Variants in ACVR2A observed in about 807,000 individuals in gnomAD.
The protein encoded by ACVR2A is activin receptor type-2A.
ACVR2A carries 7 observed loss-of-function variants against 61.4 expected under a neutral mutation model. The ratio of observed to expected loss-of-function variants is 0.11; its 90% CI spans 0.06 to 0.21. The LOEUF (loss-of-function observed/expected upper bound fraction) is 0.21. Ranked by LOEUF, ACVR2A falls within the 10% of genes least tolerant of loss-of-function variation. ACVR2A has a pLI of 1.00. For synonymous variants in ACVR2A, 193 were observed against 208.3 expected, an observed-to-expected ratio of 0.93 and a Z score of 0.63; for missense variants, 322 against 621.7, an observed-to-expected ratio of 0.52 and a Z score of 5.13.
rs983143686 is a variant in ACVR2A, at chr2:147,930,619, G to A, written c.*3345G>A. ...AGAATATTGGTAAGCAGTTATTTTC[G>A]CTTTACTCTGTATTTCTTGTGTTTT... On this transcript the variant is annotated 3_prime_UTR_variant, in exon 11 of 11. Coordinates refer to ENST00000241416, the MANE Select transcript of ACVR2A (RefSeq NM_001616.5). 1 of 152,054 alleles carries A rather than the reference G, an allele frequency of 6.6e-6. No homozygotes were observed. The highest frequency in any genetic ancestry group is 1.5e-5 in the Non-Finnish European group (1 of 67,906). 9.4% of individuals were successfully genotyped at this position (152,054 alleles called of 1,614,324 possible).
chr2:147,878,638 G>GT (rs1468084417), intron 1 of ACVR2A, among the ~76,000 whole-genome samples: 1 of 152,120 alleles, frequency 6.6e-6, no homozygotes, highest in African/African-American at 2.4e-5. Flanking sequence ...GCTGGGCATG[G>GT]TGGCTCATGC....
intron 1 of ACVR2A, among the ~76,000 whole-genome samples, chr2:147,879,566 G>C (rs1686244533): frequency 6.6e-6 from 1 of 152,198 alleles, no homozygotes; most frequent in Admixed American, 6.5e-5. Flanking sequence ...GAAAGTGGTA[G>C]AAAGAATGTA....
intron 1 of ACVR2A, among the ~76,000 whole-genome samples, chr2:147,848,739 C>T (rs1170819009): frequency 6.6e-6 from 1 of 151,994 alleles, no homozygotes; most frequent in African/African-American, 2.4e-5. Context: ...ATGAAGTAAT[C>T]TGCACAGCAA....
chr2:147,926,605 A>G (rs938235915), intron 10 of ACVR2A, among the ~76,000 whole-genome samples: 1 of 151,960 alleles, frequency 6.6e-6, no homozygotes, highest in African/African-American at 2.4e-5. Flanking sequence ...CTTTAAAACT[A>G]TAGAGACCAG....
intron 2 of ACVR2A, among the ~76,000 whole-genome samples, chr2:147,898,881 G>A (rs1686807400): frequency 6.6e-6 from 1 of 151,392 alleles, no homozygotes; most frequent in African/African-American, 2.4e-5. Context: ...TTGCATTCAG[G>A]GAATTTAAAT....
At chr2:147,914,426 A>G (rs569829427) in intron 4 of ACVR2A, among the ~76,000 whole-genome samples, 7 of 152,058 alleles carry the variant, frequency 4.6e-5, no homozygotes, top group South Asian at 2.1e-4. Flanking sequence ...TGTTTGCTCT[A>G]TTTTTAAAAA....
At chr2:147,873,978 G>A (rs920717033) in intron 1 of ACVR2A, among the ~76,000 whole-genome samples, 2 of 151,922 alleles carry the variant, frequency 1.3e-5, no homozygotes, top group African/African-American at 4.8e-5. Context: ...GTGGCATGGA[G>A]GATGAATTAT....
chr2:147,864,203 T>G (rs907167292), intron 1 of ACVR2A, among the ~76,000 whole-genome samples: 1 of 152,014 alleles, frequency 6.6e-6, no homozygotes, highest in African/African-American at 2.4e-5. Context: ...TTTTTCCTAA[T>G]TGAAGGACCT....
chr2:147,907,381 G>A (rs1236652775), intron 4 of ACVR2A, among the ~76,000 whole-genome samples: 1 of 152,112 alleles, frequency 6.6e-6, no homozygotes, highest in Non-Finnish European at 1.5e-5. Context: ...GGGTCAAATG[G>A]TATTTCTGGT....
Position 147,927,328 on chromosome 2 carries a change from A to C in ACVR2A, c.*54A>C, listed in dbSNP as rs1687527591. 6.6e-7 allele frequency: 1 copy of C among 1,504,046 alleles called. No homozygotes were observed. Among genetic ancestry groups the C allele is most frequent in the Non-Finnish European group, 9.0e-7 (1 of 1,113,952 alleles). The allele number at this position is 1,504,046 out of a possible 1,614,324, so 93.2% of individuals were successfully genotyped here. ...ATGGGACTCTGAACTGGAGCTGCTA[A>C]GCTAAAGAAACTGCTTACAGTTTAT... On this transcript the variant is annotated 3_prime_UTR_variant, in exon 11 of 11. Transcript: ENST00000241416.
At chr2:147,905,945 A>C (rs575962302) in intron 4 of ACVR2A, among the ~76,000 whole-genome samples, 2 of 152,182 alleles carry the variant, frequency 1.3e-5, no homozygotes, top group Non-Finnish European at 2.9e-5. Context: ...CCTTATTTCT[A>C]AAAGTGACTT....
At chr2:147,848,788 C>T (rs1193518023) in intron 1 of ACVR2A, among the ~76,000 whole-genome samples, 1 of 151,914 alleles carries the variant, frequency 6.6e-6, no homozygotes, top group Non-Finnish European at 1.5e-5. Context: ...CAGACCTTCA[C>T]ATGTACCCCC....
intron 1 of ACVR2A, among the ~76,000 whole-genome samples, chr2:147,857,839 T>A (rs947695234): frequency 9.9e-5 from 15 of 151,980 alleles, no homozygotes; most frequent in Admixed American, 3.9e-4. Flanking sequence ...AAAAAAAAAA[T>A]TATTTTAAGT....
chr2:147,845,029 G>GTTTTTTTTTTTTTTTTTTTTTTTTTTT lies in ACVR2A; in HGVS notation c.-123_-122insTTTTTTTTTTTTTTTTTTTTTTTTTTT, dbSNP rs1685268219. On this transcript the variant is annotated 5_prime_UTR_variant, in exon 1 of 11. Transcript: ENST00000241416. The stretch of plus-strand genomic sequence containing the variant: ...TTTTTTTTTTTTTTTTTTTTTTTTG[G>GTTTTTTTTTTTTTTTTTTTTTTTTTTT]TCTGGGCTTCCGAATATGTTTTATG... 1 of 58,452 alleles carries GTTTTTTTTTTTTTTTTTTTTTTTTTTT rather than the reference G, an allele frequency of 1.7e-5. No homozygotes were observed. Among genetic ancestry groups the GTTTTTTTTTTTTTTTTTTTTTTTTTTT allele is most frequent in the African/African-American group, 2.3e-4 (1 of 4,414 alleles). The allele number at this position is 58,452 out of a possible 1,614,324, so 3.6% of individuals were successfully genotyped here. A position where few individuals can be genotyped will look rare whatever the true frequency, so the allele number is the denominator to read the frequency against.
At chr2:147,923,184 C>G in intron 9 of ACVR2A, 73 bp downstream of exon 9, 1 of 1,455,662 alleles carries the variant, frequency 6.9e-7, no homozygotes, top group East Asian at 2.3e-5. Context: ...TGATACACTC[C>G]AAGGTAATAT....
rs986208536 is a variant in ACVR2A, at chr2:147,930,500, A to G, written c.*3226A>G. Reference sequence around the variant, plus strand: ...ATCCATTTATGGGCAAAATGATACAAGTAGCATCTTGATTGAACATCATTT... The same window carrying G: ...ATCCATTTATGGGCAAAATGATACAGGTAGCATCTTGATTGAACATCATTT... On this transcript the variant is annotated 3_prime_UTR_variant, in exon 11 of 11. Coordinates refer to ENST00000241416, the MANE Select transcript of ACVR2A (RefSeq NM_001616.5). 1 of 152,482 alleles carries G rather than the reference A, an allele frequency of 6.6e-6. No homozygotes were observed. The highest frequency in any genetic ancestry group is 2.4e-5 in the African/African-American group (1 of 41,432). 9.4% of individuals were successfully genotyped at this position (152,482 alleles called of 1,614,324 possible).
At chr2:147,887,359 A>G (rs1314161605) in intron 1 of ACVR2A, among the ~76,000 whole-genome samples, 3 of 152,186 alleles carry the variant, frequency 2.0e-5, no homozygotes, top group Non-Finnish European at 4.4e-5. Flanking sequence ...CTATTTGTCA[A>G]TTTACCAAAT....
At chr2:147,893,917 G>A (rs1352718586) in intron 1 of ACVR2A, among the ~76,000 whole-genome samples, 1 of 152,042 alleles carries the variant, frequency 6.6e-6, no homozygotes, top group East Asian at 1.9e-4. Context: ...GGTCATATGT[G>A]TTGTTCTAAG....
At chr2:147,863,527 G>A (rs1428141244) in intron 1 of ACVR2A, among the ~76,000 whole-genome samples, 1 of 151,988 alleles carries the variant, frequency 6.6e-6, no homozygotes, top group Non-Finnish European at 1.5e-5. Context: ...CGCATGTTTT[G>A]TATGTTATAT....
Sources: allele counts gnomAD v4.1 joint callset (sites outside exome capture counted in the v4.1 genomes callset), GRCh38; gene constraint gnomAD v4.1.1; transcripts MANE v1.5; gene names NCBI Gene and HGNC (gene_info 2026-07-23, HGNC 2026-07-21).